ANXA13: variants seen among roughly 807,000 people sequenced by gnomAD.
The protein encoded by ANXA13 is annexin A13.
In ANXA13, 36 loss-of-function variants were observed where a neutral mutation model predicts 46.6. The observed-to-expected ratio is 0.77, with a 90% CI of 0.59 to 1.02. The LOEUF is 1.02. Ranked by LOEUF, ANXA13 falls within the 50% of genes least tolerant of loss-of-function variation. The probability of loss-of-function intolerance (pLI) is 0.00; values close to 1 mark genes in which losing one functional copy is unlikely to be tolerated. For missense variants in ANXA13, 417 were observed against 396.5 expected (o/e 1.05, Z -0.44); for synonymous variants, 163 against 152.9 (o/e 1.07, Z -0.49).
At chr8:123,687,742 C>T (rs1475367236) in intron 9 of ANXA13, among the ~76,000 whole-genome samples, 5 of 152,224 alleles carry the variant, frequency 3.3e-5, no homozygotes, top group African/African-American at 1.2e-4. Context: ...TCTCTCCATT[C>T]CTTCTGCCAT....
At chr8:123,684,505 A>C in intron 10 of ANXA13, 105 bp downstream of exon 10, 3 of 758,290 alleles carry the variant, frequency 4.0e-6, no homozygotes, top group Non-Finnish European at 4.5e-6. Flanking sequence ...TCTCTGTTTT[A>C]CTTTTTCTGT....
chr8:123,707,062 T>C (rs573678923), intron 2 of ANXA13, among the ~76,000 whole-genome samples: 1 of 152,360 alleles, frequency 6.6e-6, no homozygotes, highest in African/African-American at 2.4e-5. Flanking sequence ...CCAGGACACA[T>C]GGCAAATTCC....
chr8:123,722,131 C>T (rs1813886437), intron 1 of ANXA13, among the ~76,000 whole-genome samples: 1 of 151,774 alleles, frequency 6.6e-6, no homozygotes, highest in Admixed American at 6.6e-5. Context: ...ATAATGAGAC[C>T]CTGTCTCTAC....
intron 1 of ANXA13, among the ~76,000 whole-genome samples, chr8:123,715,184 C>G (rs922542115): frequency 2.0e-5 from 3 of 152,208 alleles, no homozygotes; most frequent in African/African-American, 7.2e-5. Context: ...AAGTGCAGGG[C>G]TCCTTCCTCA....
chr8:123,689,234 C>A (rs901460802), intron 8 of ANXA13, among the ~76,000 whole-genome samples: 1 of 147,972 alleles, frequency 6.8e-6, no homozygotes, highest in African/African-American at 2.5e-5. Flanking sequence ...AGTGGAGAAA[C>A]AATTAATATA....
chr8:123,681,619 CT>C (rs5894670), intron 10 of ANXA13, among the ~76,000 whole-genome samples: 44,378 of 106,974 alleles, frequency 0.41, 7,416 homozygotes, highest in African/African-American at 0.52. Context: ...TCTTGAATTT[CT>C]TTTTTTTTTT....
At chr8:123,683,621 C>G (rs1813083369) in intron 10 of ANXA13, among the ~76,000 whole-genome samples, 1 of 136,034 alleles carries the variant, frequency 7.4e-6, no homozygotes, top group Non-Finnish European at 1.5e-5. Context: ...GAGTCTCGCT[C>G]TGTTACTCAG....
At position 123,703,197 on chromosome 8, in the gene ANXA13, G is replaced by A. The variant is rs1297902422; in HGVS notation, c.92-461C>T. Reference sequence around the variant, plus strand: ...CAGAAAAAGGAATAAATTACTGATAGATGTTATAACATGGATGAACCTTGA... The same window carrying A: ...CAGAAAAAGGAATAAATTACTGATAAATGTTATAACATGGATGAACCTTGA... On this transcript the variant is annotated intron_variant, in intron 2 of 10. Coordinates refer to ENST00000419625, the MANE Select transcript of ANXA13 (RefSeq NM_004306.4). 2.0e-5 allele frequency among the ~76,000 whole-genome samples: 3 copies of A among 152,210 alleles called. No individual in the cohort carries two copies. The East Asian group carries it at 5.8e-4, about 29-fold the overall frequency.
chr8:123,697,296 G>A (rs1038749417), intron 4 of ANXA13, among the ~76,000 whole-genome samples: 4 of 152,152 alleles, frequency 2.6e-5, no homozygotes, highest in Non-Finnish European at 5.9e-5. Context: ...TGGGACCTTG[G>A]TGCTTCTGAG....
At chr8:123,698,664 T>C in intron 3 of ANXA13, 105 bp from the exon 4 acceptor site, 2 of 1,258,874 alleles carry the variant, frequency 1.6e-6, no homozygotes, top group Non-Finnish European at 2.2e-6. Context: ...AAAGGTGCTG[T>C]GGACATGAAT....
chr8:123,726,771 C>A (rs894661651), intron 1 of ANXA13, among the ~76,000 whole-genome samples: 3 of 152,188 alleles, frequency 2.0e-5, no homozygotes, highest in Non-Finnish European at 2.9e-5. Flanking sequence ...AATAGCAGCA[C>A]AATTTGCGAT....
intron 1 of ANXA13, among the ~76,000 whole-genome samples, chr8:123,716,889 G>A (rs545494536): frequency 6.6e-6 from 1 of 152,320 alleles, no homozygotes; most frequent in Non-Finnish European, 1.5e-5. Context: ...GAGAATGCAA[G>A]TCAGATACAG....
chr8:123,684,362 C>T (rs1813097285), intron 10 of ANXA13, among the ~76,000 whole-genome samples: 1 of 152,158 alleles, frequency 6.6e-6, no homozygotes, highest in Non-Finnish European at 1.5e-5. Context: ...GTTGCCTCTG[C>T]GCCCCTCCAC....
chr8:123,723,580 C>T (rs73331986), intron 1 of ANXA13, among the ~76,000 whole-genome samples: 1,930 of 152,274 alleles, frequency 0.013, 51 homozygotes, highest in African/African-American at 0.044. Flanking sequence ...TTGGCGAGAT[C>T]ATGCTGGTAA....
chr8:123,688,674 A>T (rs989499225), intron 9 of ANXA13, among the ~76,000 whole-genome samples, 197 bp downstream of exon 9: 1 of 152,116 alleles, frequency 6.6e-6, no homozygotes, highest in African/African-American at 2.4e-5. Context: ...TGGACATCTC[A>T]GCTTCCAAGC....
chr8:123,728,802 A>G (rs1042612959), intron 1 of ANXA13: 12 of 152,054 alleles, frequency 7.9e-5, no homozygotes, highest in African/African-American at 2.4e-4. Context: ...ATTGGATCCA[A>G]AAAAATTAAT....
intron 1 of ANXA13, among the ~76,000 whole-genome samples, chr8:123,723,189 G>A (rs911040755): frequency 1.3e-5 from 2 of 152,178 alleles, no homozygotes; most frequent in Non-Finnish European, 2.9e-5. Context: ...GGAGGCAGGG[G>A]GAGGAAAAAG....
intron 1 of ANXA13, among the ~76,000 whole-genome samples, chr8:123,716,396 G>A (rs1028928018): frequency 1.3e-5 from 2 of 152,102 alleles, no homozygotes; most frequent in South Asian, 4.1e-4. Flanking sequence ...TGTGGGGTAG[G>A]ACTCTCTATC....
At chr8:123,699,521 C>A (rs1813404873) in intron 3 of ANXA13, among the ~76,000 whole-genome samples, 1 of 152,238 alleles carries the variant, frequency 6.6e-6, no homozygotes, top group Admixed American at 6.5e-5. Context: ...TTCCTCTTTT[C>A]TTTGAGCACC....
Sources: allele counts gnomAD v4.1 joint callset (sites outside exome capture counted in the v4.1 genomes callset), GRCh38; gene constraint gnomAD v4.1.1; transcripts MANE v1.5; gene names NCBI Gene and HGNC (gene_info 2026-07-23, HGNC 2026-07-21).